Variants in ANO5 observed in about 807,000 individuals in gnomAD.
ANO5 encodes the protein anoctamin-5.
A neutral mutation model predicts 121.0 loss-of-function variants in ANO5; 109 were observed. The ratio of observed to expected loss-of-function variants is 0.90; its 90% CI spans 0.77 to 1.06. The LOEUF is 1.06. Among genes scored for constraint, ANO5 ranks in the 50% least tolerant of loss-of-function variants. ANO5 has a pLI of 0.00. For missense variants in ANO5, 1,064 were observed against 1,078.5 expected (o/e 0.99, Z 0.19); for synonymous variants, 406 against 359.9 (o/e 1.13, Z -1.45).
chr11:22,212,885 G>C (rs537119427), intron 3 of ANO5, among the ~76,000 whole-genome samples: 1 of 149,584 alleles, frequency 6.7e-6, no homozygotes, highest in African/African-American at 2.5e-5. Context: ...CTCCTTGCCT[G>C]TACAGAAGTT....
In ANO5 at chr11:22,282,207, G is replaced by T. The variant is rs1166169154; in HGVS notation, c.*2442G>T. 6.6e-6 allele frequency: 1 copy of T among 152,010 alleles called. No homozygotes were observed. Among genetic ancestry groups the T allele is most frequent in the Non-Finnish European group, 1.5e-5 (1 of 67,962 alleles). 9.4% of individuals were successfully genotyped at this position (152,010 alleles called of 1,614,324 possible). On this transcript the variant is annotated 3_prime_UTR_variant, in exon 22 of 22. Coordinates refer to ENST00000324559, the MANE Select transcript of ANO5 (RefSeq NM_213599.3). ...TTGTTTTGTTTTCAGAATGTTCTAGGGAACATTTGAGATTTTATGTGAAAT... is the reference window on the plus strand; with the variant it reads ...TTGTTTTGTTTTCAGAATGTTCTAGTGAACATTTGAGATTTTATGTGAAAT...
Position 22,193,439 on chromosome 11 carries a change from C to G in ANO5, c.-54C>G. ...CCTCAGATCTCCACGTCTGTCTCAG[C>G]TGCCCCTCTCCTGCTGCCTCTCAGG... On this transcript the variant is annotated 5_prime_UTR_variant, in exon 1 of 22. Transcript: ENST00000324559. 6.3e-7 allele frequency: 1 copy of G among 1,584,716 alleles called. No homozygotes were observed.
At chr11:22,262,450 C>T in intron 16 of ANO5, 152 bp downstream of exon 16, 1 of 824,306 alleles carries the variant, frequency 1.2e-6, no homozygotes, top group Middle Eastern at 3.6e-4. Context: ...ACAGATGAAT[C>T]CTGTCATTTG....
At chr11:22,226,112 C>G in intron 6 of ANO5, 60 bp downstream of exon 6, 1 of 1,395,936 alleles carries the variant, frequency 7.2e-7, no homozygotes, top group Non-Finnish European at 1.0e-6. Flanking sequence ...TTCTCCTACT[C>G]TGGCCTTTGC....
chr11:22,218,394 A>G, intron 4 of ANO5, 107 bp downstream of exon 4: 1 of 1,412,900 alleles, frequency 7.1e-7, no homozygotes. Context: ...CATTGTCACT[A>G]ATTCCTAGTC....
chr11:22,272,637 A>G, intron 18 of ANO5, 147 bp from the exon 19 acceptor site: 1 of 740,060 alleles, frequency 1.4e-6, no homozygotes, highest in Admixed American at 2.2e-5. Context: ...CCTGTGGTAG[A>G]GGAGGAACTG....
Position 22,279,666 on chromosome 11 carries a change from C to T in ANO5, c.2643C>T (p.Leu881=). The T allele has an allele frequency of 6.2e-7, 1 of 1,612,754 alleles. No homozygotes were observed. The highest frequency in any genetic ancestry group is 2.2e-5 in the East Asian group (1 of 44,830). ...MTIKILHDFE[L]NKLKENLGIN... is the part of the protein sequence containing the mutation. ...TCAAGATTCTCCATGATTTTGAGCT[C>T]AACAAATTAAAAGAGAACTTGGGAA... Residue 881 remains leucine (L), a synonymous_variant, in exon 22 of 22, where the codon CTC becomes CTT. Coordinates refer to ENST00000324559, the MANE Select transcript of ANO5 (RefSeq NM_213599.3).
chr11:22,276,228 T>TA (rs1308853237), intron 21 of ANO5, 29 bp downstream of exon 21: 2 of 1,509,708 alleles, frequency 1.3e-6, no homozygotes, highest in African/African-American at 2.7e-5. Context: ...TCATTCGAGT[T>TA]ACTCTCTTCT....
Position 22,203,806 on chromosome 11 carries a change from GA to G in ANO5, c.48del (p.Val17SerfsTer5). On this transcript the variant is annotated frameshift_variant, in exon 2 of 22. Transcript: ENST00000324559. LOFTEE classifies it high-confidence loss of function. The stretch of plus-strand genomic sequence containing the variant: ...TTTCTCTTTCTTATTTAATTTAGGG[GA>G]AAAAGTCAATAAGCATATAGACTAC... ...DLLEVLAEEGEKVNKHIDYSF... is the reference protein window; with the variant it reads ...DLLEVLAEEGXKVNKHIDYSF... 4.8e-6 allele frequency: 7 copies of G among 1,468,298 alleles called. No homozygotes were observed. The highest frequency in any genetic ancestry group is 5.7e-6 in the Non-Finnish European group (6 of 1,053,968). The allele number at this position is 1,468,298 out of a possible 1,614,324, so 91.0% of individuals were successfully genotyped here. A position where few individuals can be genotyped will look rare whatever the true frequency, so the allele number is the denominator to read the frequency against.
chr11:22,227,068 CTCTCTT>C (rs1852862277), intron 6 of ANO5, among the ~76,000 whole-genome samples: 1 of 152,010 alleles, frequency 6.6e-6, no homozygotes, highest in South Asian at 2.1e-4. Context: ...CTTTGTATGT[CTCTCTT>C]TCTGTCTTTC....
chr11:22,218,780 C>T (rs968949262), intron 4 of ANO5, among the ~76,000 whole-genome samples: 1 of 151,968 alleles, frequency 6.6e-6, no homozygotes, highest in African/African-American at 2.4e-5. Context: ...CCAGGCTGGT[C>T]TTGAACTCCT....
chr11:22,252,651 C>G (rs1853866221), intron 12 of ANO5, among the ~76,000 whole-genome samples: 1 of 152,048 alleles, frequency 6.6e-6, no homozygotes, highest in East Asian at 1.9e-4. Flanking sequence ...CATTTGATCT[C>G]ATTCGTAGTC....
chr11:22,266,751 G>T (rs1288325442), intron 17 of ANO5, among the ~76,000 whole-genome samples: 1 of 151,932 alleles, frequency 6.6e-6, no homozygotes, highest in African/African-American at 2.4e-5. Context: ...AATATGTTTA[G>T]GTCACAGTTT....
At position 22,247,855 on chromosome 11, in the gene ANO5, AT is replaced by A. The variant is rs368289515; in HGVS notation, c.879-2373del. On this transcript the variant is annotated intron_variant, in intron 9 of 21. Transcript: ENST00000324559. ...ACTGGCACATCAGCTCTATCAGCTC[AT>A]TTTTTTTTCCTTCCAGCTTACACTT... Among the ~76,000 whole-genome samples, 51 of 151,092 alleles carry A rather than the reference AT, an allele frequency of 3.4e-4. 1 individual carries two copies. The East Asian group carries it at 7.2e-3, about 21-fold the overall frequency.
At chr11:22,209,150 T>C (rs2133544068) in intron 2 of ANO5, among the ~76,000 whole-genome samples, 1 of 151,956 alleles carries the variant, frequency 6.6e-6, no homozygotes, top group East Asian at 1.9e-4. Context: ...TTCTGTGCTT[T>C]CATGATTGCT....
rs140475600 is a variant in ANO5, at chr11:22,270,261, C to T, written c.1899-51C>T. On this transcript the variant is annotated intron_variant, in intron 17 of 21. Transcript: ENST00000324559. ...AGATCTAACACTCTGATTCTCTGAT[C>T]GCTTTCTTTTTGGTCCTATTTCATA... The T allele has an allele frequency of 8.5e-3, 13,578 of 1,604,198 alleles. 94 individuals carry two copies. Among genetic ancestry groups the T allele is most frequent in the Non-Finnish European group, 8.6e-3 (10,058 of 1,171,972 alleles).
intron 13 of ANO5, among the ~76,000 whole-genome samples, chr11:22,256,446 A>G (rs1280722835): frequency 6.6e-6 from 1 of 152,218 alleles, no homozygotes; most frequent in Non-Finnish European, 1.5e-5. Flanking sequence ...ATCTCAAAAG[A>G]TCATGAAAAC....
chr11:22,232,035 T>G (rs1853059208), intron 7 of ANO5, among the ~76,000 whole-genome samples: 1 of 152,016 alleles, frequency 6.6e-6, no homozygotes, highest in Non-Finnish European at 1.5e-5. Context: ...TCGTTCACTA[T>G]TCCTTGTCTC....
Position 22,270,165 on chromosome 11 carries a change from G to A in ANO5, c.1899-147G>A, listed in dbSNP as rs557958163. ...AAAAGAACACCAGATTTTGACTTGCGCTTTGGCTGGTGTCATTTCTCTTTG... is the reference window on the plus strand; with the variant it reads ...AAAAGAACACCAGATTTTGACTTGCACTTTGGCTGGTGTCATTTCTCTTTG... On this transcript the variant is annotated intron_variant, in intron 17 of 21. Coordinates refer to ENST00000324559, the MANE Select transcript of ANO5 (RefSeq NM_213599.3). The A allele has an allele frequency of 2.6e-4, 270 of 1,029,094 alleles. 1 individual carries two copies. The highest frequency in any genetic ancestry group is 3.4e-4 in the Non-Finnish European group (238 of 703,990). The allele number at this position is 1,029,094 out of a possible 1,614,324, so 63.7% of individuals were successfully genotyped here. A position where few individuals can be genotyped will look rare whatever the true frequency, so the allele number is the denominator to read the frequency against.
Sources: gnomAD v4.1 joint callset for allele counts (sites outside exome capture counted in the v4.1 genomes callset) on GRCh38, gnomAD v4.1.1 for gene constraint, MANE v1.5 for transcripts, NCBI Gene and HGNC (gene_info 2026-07-23, HGNC 2026-07-21) for gene names.